The following CDH13 variants were observed in gnomAD, a reference collection of about 807,000 sequenced individuals.
CDH13 encodes cadherin 13, also known as cadherin-13.
CDH13 carries 24 observed loss-of-function variants against 63.8 expected under a neutral mutation model. The ratio of observed to expected loss-of-function variants is 0.38; its 90% CI spans 0.27 to 0.53. The LOEUF is 0.53. Ranked by LOEUF, CDH13 falls within the 20% of genes least tolerant of loss-of-function variation. The pLI, the probability that CDH13 is intolerant of heterozygous loss-of-function variation, is 0.85. For missense variants in CDH13, 1,049 were observed against 903.1 expected (o/e 1.16, Z -2.07); for synonymous variants, 503 against 355.3 (o/e 1.42, Z -4.67).
chr16:83,471,152 T>C (rs756105883), intron 6 of CDH13, among the ~76,000 whole-genome samples: 3 of 152,136 alleles, frequency 2.0e-5, no homozygotes, highest in Non-Finnish European at 1.5e-5. Flanking sequence ...AAGCCCCTCA[T>C]CTCAAGATCT....
chr16:82,987,533 C>G (rs558685792), intron 2 of CDH13, among the ~76,000 whole-genome samples: 1 of 152,154 alleles, frequency 6.6e-6, no homozygotes, highest in African/African-American at 2.4e-5. Context: ...CCTAAAACCA[C>G]GCTCAGCTAA....
chr16:83,536,825 C>T (rs4782544), intron 7 of CDH13, among the ~76,000 whole-genome samples: 27,511 of 152,010 alleles, frequency 0.18, 2,702 homozygotes, highest in Middle Eastern at 0.26. Flanking sequence ...AAATCAACAG[C>T]AGCACTAGTG....
intron 2 of CDH13, among the ~76,000 whole-genome samples, chr16:82,925,708 C>A (rs2042283041): frequency 6.6e-6 from 1 of 152,084 alleles, no homozygotes; most frequent in South Asian, 2.1e-4. Flanking sequence ...CAGAAATGGC[C>A]CACAGCCCAT....
chr16:83,743,681 A>G lies in CDH13; in HGVS notation c.1539-4427A>G, dbSNP rs1042675048. 3.3e-5 allele frequency among the ~76,000 whole-genome samples: 5 copies of G among 149,982 alleles called. No individual in the cohort carries two copies. The South Asian group carries it at 6.4e-4, about 19-fold the overall frequency. ...ACTTTCATTATTTCAAATATGTTGA[A>G]CCACTACCAATCACTCCTGGATCAA... On this transcript the variant is annotated intron_variant, in intron 10 of 13. Coordinates refer to ENST00000567109, the MANE Select transcript of CDH13 (RefSeq NM_001257.5).
chr16:83,373,794 C>T (rs2091414634), intron 6 of CDH13, among the ~76,000 whole-genome samples: 2 of 152,190 alleles, frequency 1.3e-5, no homozygotes, highest in African/African-American at 4.8e-5. Flanking sequence ...AGTGTTCTAA[C>T]CTATCCCTAG....
At chr16:83,207,972 G>C (rs1253671337) in intron 4 of CDH13, among the ~76,000 whole-genome samples, 2 of 152,198 alleles carry the variant, frequency 1.3e-5, no homozygotes, top group Non-Finnish European at 2.9e-5. Flanking sequence ...CTGGATGGTA[G>C]ATTCAGATCC....
chr16:83,058,236 T>C (rs1238722644), intron 3 of CDH13, among the ~76,000 whole-genome samples: 1 of 152,142 alleles, frequency 6.6e-6, no homozygotes, highest in Non-Finnish European at 1.5e-5. Flanking sequence ...TCAGAAGCTT[T>C]TTCTATTCTC....
chr16:83,633,918 A>C (rs1312949901), intron 8 of CDH13, among the ~76,000 whole-genome samples: 2 of 152,062 alleles, frequency 1.3e-5, no homozygotes, highest in Non-Finnish European at 2.9e-5. Context: ...TAGTTTCCTT[A>C]TTTTTCCATT....
intron 3 of CDH13, among the ~76,000 whole-genome samples, chr16:83,075,610 C>G (rs2032779000): frequency 6.6e-6 from 1 of 152,172 alleles, no homozygotes; most frequent in Non-Finnish European, 1.5e-5. Flanking sequence ...CTTTGATGTT[C>G]TGTGTGAGGT....
At chr16:83,650,233 T>G (rs1912237988) in intron 8 of CDH13, among the ~76,000 whole-genome samples, 1 of 152,190 alleles carries the variant, frequency 6.6e-6, no homozygotes, top group African/African-American at 2.4e-5. Context: ...AAAAATACCT[T>G]TCTTCTTTTA....
chr16:83,413,541 G>A (rs2092157544), intron 6 of CDH13, among the ~76,000 whole-genome samples: 1 of 152,114 alleles, frequency 6.6e-6, no homozygotes, highest in Admixed American at 6.5e-5. Flanking sequence ...CTAGAGATCG[G>A]GGTGTAGCAA....
chr16:83,158,345 CA>C (rs1421604995), intron 4 of CDH13, among the ~76,000 whole-genome samples: 2 of 152,328 alleles, frequency 1.3e-5, no homozygotes, highest in Admixed American at 1.3e-4. Flanking sequence ...CTGTGCTGTG[CA>C]GTGAATCCAT....
intron 6 of CDH13, among the ~76,000 whole-genome samples, chr16:83,475,984 G>A (rs552856522): frequency 6.6e-6 from 1 of 152,108 alleles, no homozygotes; most frequent in African/African-American, 2.4e-5. Context: ...TAACCCAGGA[G>A]TTCATTAATA....
At chr16:83,091,647 T>C (rs76031153) in intron 3 of CDH13, among the ~76,000 whole-genome samples, 5,205 of 152,302 alleles carry the variant, frequency 0.034, 295 homozygotes, top group African/African-American at 0.12. Flanking sequence ...ACAATTTATA[T>C]ATTGTATATT....
intron 5 of CDH13, among the ~76,000 whole-genome samples, chr16:83,231,013 C>T (rs1222266074): frequency 1.3e-5 from 2 of 152,258 alleles, no homozygotes; most frequent in African/African-American, 4.8e-5. Flanking sequence ...ATGCCTTCAT[C>T]TTCCTCGGGC....
intron 10 of CDH13, among the ~76,000 whole-genome samples, chr16:83,701,633 A>G (rs550386571): frequency 9.9e-5 from 15 of 152,256 alleles, no homozygotes; most frequent in African/African-American, 3.6e-4. Flanking sequence ...CCTCTGTGCT[A>G]GGGTTTCTAC....
chr16:82,837,092 T>A (rs969826849), intron 1 of CDH13, among the ~76,000 whole-genome samples: 2 of 152,190 alleles, frequency 1.3e-5, no homozygotes, highest in African/African-American at 4.8e-5. Flanking sequence ...CAAACAAATA[T>A]GCAAAAGCGT....
intron 3 of CDH13, among the ~76,000 whole-genome samples, chr16:83,087,280 A>C (rs1597308914): frequency 6.6e-6 from 1 of 152,272 alleles, no homozygotes; most frequent in East Asian, 1.9e-4. Context: ...ATGTTGGAAA[A>C]AGTCTGACTC....
chr16:82,662,667 T>A (rs1044612306), intron 1 of CDH13, among the ~76,000 whole-genome samples: 1 of 152,216 alleles, frequency 6.6e-6, no homozygotes, highest in African/African-American at 2.4e-5. Flanking sequence ...TAATTATTCA[T>A]AGGACCTCTC....
Sources: gnomAD v4.1 joint callset for allele counts (sites outside exome capture counted in the v4.1 genomes callset) on GRCh38, gnomAD v4.1.1 for gene constraint, MANE v1.5 for transcripts, NCBI Gene and HGNC (gene_info 2026-07-23, HGNC 2026-07-21) for gene names.